Variants in CFAP92 observed in about 807,000 individuals in gnomAD.
CFAP92 encodes the protein cilia and flagella associated protein 92 (putative), also known as uncharacterized protein CFAP92.
A neutral mutation model predicts 106.3 loss-of-function variants in CFAP92; 86 were observed. That is an observed-to-expected ratio of 0.81 (90% CI 0.68 to 0.97). CFAP92 has a LOEUF of 0.97. Ranked by LOEUF, CFAP92 falls within the 50% of genes least tolerant of loss-of-function variation. The probability of loss-of-function intolerance (pLI) is 0.00; values close to 1 mark genes in which losing one functional copy is unlikely to be tolerated. For synonymous variants in CFAP92, 477 were observed against 506.4 expected, an observed-to-expected ratio of 0.94 and a Z score of 0.78; for missense variants, 1,204 against 1,283.8, an observed-to-expected ratio of 0.94 and a Z score of 0.95.
At position 128,935,379 on chromosome 3, in the gene CFAP92, G is replaced by A. The variant is rs780106097; in HGVS notation, c.2259-60C>T. On this transcript the variant is annotated intron_variant, in intron 10 of 15. Coordinates refer to ENST00000645291, the MANE Select transcript of CFAP92 (RefSeq NM_001394090.1). ...TGGCAGCTTCCTGGGACACCGTGGT[G>A]AGGGTGCGCTGTCAGGTACAGCTTT... 9.1e-6 allele frequency: 11 copies of A among 1,205,692 alleles called. No homozygotes were observed. The African/African-American group carries it at 9.1e-5, about 10-fold the overall frequency. 74.7% of individuals were successfully genotyped at this position (1,205,692 alleles called of 1,614,324 possible).
intron 9 of CFAP92, among the ~76,000 whole-genome samples, chr3:128,959,102 C>T (rs532966684): frequency 5.3e-5 from 8 of 151,954 alleles, no homozygotes; most frequent in South Asian, 2.1e-4. Context: ...CCCAGCTACT[C>T]GGGAGGCTGA....
Position 128,945,872 on chromosome 3 carries a change from T to C in CFAP92, c.1457A>G (p.Asn486Ser), listed in dbSNP as rs571138705. Residue 486 changes from asparagine to serine, a missense_variant, in exon 10 of 16, where the codon AAC becomes AGC. Physicochemically the swap from Asn to Ser is conservative, Grantham distance 46. Transcript: ENST00000645291. ...HGTHVYFQDI[N>S]VIFLGALHPS... is the part of the protein sequence containing the mutation. ...GTGCAGTGCCCCAAGGAAGATGACG[T>C]TGATGTCCTGGAAATAAACGTGGGT... The C allele has an allele frequency of 2.8e-5, 42 of 1,479,084 alleles. No individual in the cohort carries two copies. Among genetic ancestry groups the C allele is most frequent in the Non-Finnish European group, 3.6e-5 (40 of 1,123,390 alleles). The allele number at this position is 1,479,084 out of a possible 1,614,324, so 91.6% of individuals were successfully genotyped here.
the CFAP92 span, among the ~76,000 whole-genome samples, chr3:129,025,949 C>G: frequency 3.5e-4 from 54 of 152,366 alleles, no homozygotes; most frequent in African/African-American, 1.2e-3. Flanking sequence ...TCCAAGCTTC[C>G]CTTGTGCCTG....
intron 9 of CFAP92, among the ~76,000 whole-genome samples, chr3:128,952,136 C>CTTTTT (rs35117405): frequency 1.4e-5 from 2 of 139,306 alleles, no homozygotes; most frequent in Non-Finnish European, 1.5e-5. Context: ...TCTTCTTCTT[C>CTTTTT]TTTTTTTTTT....
At chr3:129,005,460 G>C (rs1378091545), upstream of CFAP92, among the ~76,000 whole-genome samples, 1 of 152,276 alleles carries the variant, frequency 6.6e-6, no homozygotes, top group Non-Finnish European at 1.5e-5. Flanking sequence ...GAAGGTGGCA[G>C]CAAGGATTTC....
the CFAP92 span, among the ~76,000 whole-genome samples, chr3:129,023,623 C>T: frequency 5.3e-5 from 8 of 152,158 alleles, no homozygotes; most frequent in South Asian, 4.1e-4. Flanking sequence ...TGAGCCACCG[C>T]GCCTGGCCAC....
intron 9 of CFAP92, among the ~76,000 whole-genome samples, chr3:128,953,798 G>C (rs867581707): frequency 0.011 from 1,344 of 121,804 alleles, 14 homozygotes; most frequent in Middle Eastern, 0.037. Flanking sequence ...GTGGAGACGG[G>C]GTTTCGCTGT....
the CFAP92 span, among the ~76,000 whole-genome samples, chr3:129,009,426 C>T: frequency 6.6e-6 from 1 of 152,220 alleles, no homozygotes; most frequent in Non-Finnish European, 1.5e-5. Context: ...ATCCCCAAAG[C>T]TCAGTCCAGT....
the CFAP92 span, among the ~76,000 whole-genome samples, chr3:129,015,419 CG>C: frequency 1.5e-4 from 22 of 151,440 alleles, no homozygotes; most frequent in African/African-American, 3.9e-4. Flanking sequence ...TCTGCTCCTT[CG>C]GGGGGGGAGG....
At chr3:128,943,226 C>A (rs1452277870) in intron 10 of CFAP92, among the ~76,000 whole-genome samples, 1 of 152,126 alleles carries the variant, frequency 6.6e-6, no homozygotes, top group African/African-American at 2.4e-5. Context: ...CAAAACTCAA[C>A]CTTTTAAAGC....
rs867991320 is a variant in CFAP92 at position 128,988,902 on chromosome 3, A to G, written c.279T>C (p.Tyr93=). The G allele has an allele frequency of 7.4e-6, 12 of 1,613,068 alleles. No homozygotes were observed. The highest frequency in any genetic ancestry group is 3.3e-4 in the Middle Eastern group (2 of 6,062). The change falls in exon 3 of 16, where the codon TAT becomes TAC. Residue 93 remains tyrosine (Y), a synonymous_variant. Transcript: ENST00000645291. The part of the protein sequence containing the change: ...FPVNMGQKGK[Y]ASLIEKYKKH... ...TCTTATATTTTTCAATCAAACTTGC[A>G]TATTTTCCCTTCTGACCTTGAAGAT...
rs1174844752 is a variant in CFAP92, at chr3:128,932,980, T to C, written c.2471A>G (p.Tyr824Cys). The C allele has an allele frequency of 1.2e-5, 19 of 1,536,152 alleles. No homozygotes were observed. Among genetic ancestry groups the C allele is most frequent in the East Asian group, 2.4e-5 (1 of 40,912 alleles). The change falls in exon 12 of 16, where the codon TAT becomes TGT. Residue 824 changes from tyrosine to cysteine, a missense_variant. By Grantham distance (194) the Tyr-to-Cys change is radical. Transcript: ENST00000645291. ...QALARIHDIC[Y>C]NSTTLWDVTV... ...CACGTCCCAGAGGGTGGTGCTGTTA[T>C]AGCAGATGTCGTGGATCCTGGAACA... is the stretch of plus-strand genomic sequence containing the variant.
At chr3:128,971,181 G>T (rs1364242362) in intron 8 of CFAP92, 106 bp downstream of exon 8, 1 of 1,561,398 alleles carries the variant, frequency 6.4e-7, no homozygotes, top group Non-Finnish European at 8.7e-7. Context: ...CTGTGAGGAT[G>T]AAATGAGGTG....
intron 5 of CFAP92, 121 bp from the exon 6 acceptor site, chr3:128,977,187 G>A: frequency 1.4e-6 from 1 of 716,132 alleles, no homozygotes; most frequent in Admixed American, 2.2e-5. Flanking sequence ...ATGTGGTAAG[G>A]CCTGGGATAT....
chr3:128,979,947 A>AATAATATATATATAT (rs1553758976), intron 4 of CFAP92, among the ~76,000 whole-genome samples: 7 of 128,300 alleles, frequency 5.5e-5, no homozygotes, highest in African/African-American at 2.1e-4. Flanking sequence ...AAAGTATAAT[A>AATAATATATATATAT]ATATATATAT....
In CFAP92 at chr3:128,937,502, A is replaced by T. The variant is rs998481697; in HGVS notation, c.2259-2183T>A. Among the ~76,000 whole-genome samples, 3 of 151,898 alleles carry T rather than the reference A, an allele frequency of 2.0e-5. No homozygotes were observed. The East Asian group carries it at 5.8e-4, about 29-fold the overall frequency. On this transcript the variant is annotated intron_variant, in intron 10 of 15. Transcript: ENST00000645291. ...GTAGTTCCAGCTACTTGGGAGGCTGAGGCAGGAGAATGGCGTGAACTCAGG... is the reference window on the plus strand; with the variant it reads ...GTAGTTCCAGCTACTTGGGAGGCTGTGGCAGGAGAATGGCGTGAACTCAGG...
At chr3:128,910,605 A>T in intron 15 of CFAP92, 2 of 968,780 alleles carry the variant, frequency 2.1e-6, no homozygotes, top group Non-Finnish European at 3.3e-6. Flanking sequence ...ATTAGAACCC[A>T]AGACGGGGTG....
intron 10 of CFAP92, among the ~76,000 whole-genome samples, chr3:128,937,053 C>T (rs555632486): frequency 2.6e-5 from 4 of 152,170 alleles, no homozygotes; most frequent in African/African-American, 7.2e-5. Flanking sequence ...ACAGATTTTT[C>T]ACTTTGGGAG....
chr3:128,952,097 T>C (rs923602273), intron 9 of CFAP92, among the ~76,000 whole-genome samples: 1 of 151,740 alleles, frequency 6.6e-6, no homozygotes, highest in African/African-American at 2.4e-5. Context: ...GAAGGCCTGC[T>C]ACACATACAA....
Sources: allele counts gnomAD v4.1 joint callset (sites outside exome capture counted in the v4.1 genomes callset), GRCh38; gene constraint gnomAD v4.1.1; transcripts MANE v1.5; gene names NCBI Gene and HGNC (gene_info 2026-07-23, HGNC 2026-07-21).